Variants in LRRC37A2 observed in about 807,000 individuals in gnomAD.
LRRC37A2 encodes the protein leucine-rich repeat-containing protein 37A2.
Under a neutral mutation model 68.8 loss-of-function variants are expected in LRRC37A2, and 9 were observed. That is an observed-to-expected ratio of 0.13 (90% CI 0.08 to 0.23). The LOEUF (loss-of-function observed/expected upper bound fraction) is 0.23. Among genes scored for constraint, LRRC37A2 ranks in the 10% least tolerant of loss-of-function variants. The pLI, the probability that LRRC37A2 is intolerant of heterozygous loss-of-function variation, is 1.00. For synonymous variants in LRRC37A2, 63 were observed against 367.6 expected, an observed-to-expected ratio of 0.17 and a Z score of 9.48; for missense variants, 168 against 950.4, an observed-to-expected ratio of 0.18 and a Z score of 10.82.
chr17:46,718,487 A>C, the LRRC37A2 span, among the ~76,000 whole-genome samples: 1 of 152,352 alleles, frequency 6.6e-6, no homozygotes, highest in East Asian at 1.9e-4. Flanking sequence ...TGGTGCATGT[A>C]CTCCATAAAT....
At chr17:46,957,353 C>CT in the LRRC37A2 span, among the ~76,000 whole-genome samples, 1 of 152,116 alleles carries the variant, frequency 6.6e-6, no homozygotes, top group East Asian at 1.9e-4. Context: ...TGGCTCACGC[C>CT]TGTATTCCCA....
At chr17:46,943,118 C>A in the LRRC37A2 span, among the ~76,000 whole-genome samples, 2 of 152,200 alleles carry the variant, frequency 1.3e-5, no homozygotes, top group South Asian at 2.1e-4. Context: ...GCCGATGGCT[C>A]TAATACAAGA....
chr17:46,948,370 T>G, the LRRC37A2 span, among the ~76,000 whole-genome samples: 1 of 152,234 alleles, frequency 6.6e-6, no homozygotes, highest in African/African-American at 2.4e-5. Context: ...TCTGATCCCT[T>G]CATTCAGCTG....
chr17:47,045,153 T>A, the LRRC37A2 span, among the ~76,000 whole-genome samples: 1 of 130,522 alleles, frequency 7.7e-6, no homozygotes, highest in Non-Finnish European at 1.7e-5. Context: ...CTTGTGATTG[T>A]TCCTCTATAG....
chr17:46,783,108 G>A, the LRRC37A2 span, among the ~76,000 whole-genome samples: 1 of 152,176 alleles, frequency 6.6e-6, no homozygotes, highest in African/African-American at 2.4e-5. Flanking sequence ...CCTCTGGCTC[G>A]CCTGCATCTC....
At chr17:46,903,426 C>A in the LRRC37A2 span, among the ~76,000 whole-genome samples, 1 of 152,106 alleles carries the variant, frequency 6.6e-6, no homozygotes, top group African/African-American at 2.4e-5. Context: ...AGCAGAAAAA[C>A]AGAAAAAATC....
At chr17:46,878,655 G>A in the LRRC37A2 span, among the ~76,000 whole-genome samples, 1 of 152,058 alleles carries the variant, frequency 6.6e-6, no homozygotes, top group African/African-American at 2.4e-5. Context: ...CCCCAACTCT[G>A]CCTCCACCCA....
chr17:46,826,136 T>C, the LRRC37A2 span, among the ~76,000 whole-genome samples: 3 of 152,294 alleles, frequency 2.0e-5, no homozygotes, highest in Admixed American at 6.5e-5. Context: ...AGAACAAGCC[T>C]GATAATATCC....
chr17:46,980,321 T>C, the LRRC37A2 span, among the ~76,000 whole-genome samples: 1 of 151,140 alleles, frequency 6.6e-6, no homozygotes, highest in Non-Finnish European at 1.5e-5. Flanking sequence ...TTCCTTCTTC[T>C]TCCTTCTCCC....
the LRRC37A2 span, among the ~76,000 whole-genome samples, chr17:46,849,829 A>G: frequency 6.6e-6 from 1 of 150,878 alleles, no homozygotes; most frequent in South Asian, 2.1e-4. Flanking sequence ...AGGTGCCGGC[A>G]CCTGCTAGGC....
chr17:46,803,471 T>C, the LRRC37A2 span, among the ~76,000 whole-genome samples: 24 of 152,080 alleles, frequency 1.6e-4, no homozygotes, highest in African/African-American at 5.5e-4. Flanking sequence ...GAGGCAGAGG[T>C]TATAGTGAGA....
chr17:46,714,028 ATG>A, the LRRC37A2 span: 443 of 1,574,132 alleles, frequency 2.8e-4, no homozygotes, highest in Admixed American at 5.0e-4. Flanking sequence ...TATCTCTTAA[ATG>A]TGTGTGTGTG....
At chr17:46,978,709 T>C in the LRRC37A2 span, 1 of 1,611,968 alleles carries the variant, frequency 6.2e-7, no homozygotes, top group Non-Finnish European at 8.5e-7. Flanking sequence ...CACCAGAAAG[T>C]TGATCATGCT....
At chr17:46,883,048 T>A in the LRRC37A2 span, among the ~76,000 whole-genome samples, 3 of 151,546 alleles carry the variant, frequency 2.0e-5, no homozygotes, top group Admixed American at 6.6e-5. Flanking sequence ...GCATGATCTC[T>A]GCTCACTGCA....
the LRRC37A2 span, chr17:46,978,947 C>T: frequency 6.9e-7 from 1 of 1,454,146 alleles, no homozygotes; most frequent in Non-Finnish European, 9.0e-7. Flanking sequence ...GCGGCCCCGG[C>T]GCCGCCGCCC....
the LRRC37A2 span, among the ~76,000 whole-genome samples, chr17:46,874,032 C>T: frequency 6.6e-6 from 1 of 151,884 alleles, no homozygotes; most frequent in Admixed American, 6.6e-5. Context: ...ACAGGGCAGC[C>T]AGGCCCCTCC....
chr17:46,774,032 C>T, the LRRC37A2 span: 4 of 1,387,710 alleles, frequency 2.9e-6, no homozygotes, highest in Admixed American at 6.1e-5. Context: ...GCCCTGGCAC[C>T]TGAATGTGCT....
the LRRC37A2 span, among the ~76,000 whole-genome samples, chr17:46,829,390 G>A: frequency 6.6e-6 from 1 of 152,056 alleles, no homozygotes; most frequent in African/African-American, 2.4e-5. Flanking sequence ...GGCTGGTCTC[G>A]AACTCCTGAC....
the LRRC37A2 span, among the ~76,000 whole-genome samples, chr17:46,985,377 G>A: frequency 2.0e-5 from 3 of 152,052 alleles, no homozygotes; most frequent in African/African-American, 7.2e-5. Context: ...AAAATTAGCT[G>A]GGCGTGGTGG....
Sources: gnomAD v4.1 joint callset for allele counts (sites outside exome capture counted in the v4.1 genomes callset) on GRCh38, gnomAD v4.1.1 for gene constraint, MANE v1.5 for transcripts, NCBI Gene and HGNC (gene_info 2026-07-23, HGNC 2026-07-21) for gene names.